Variants in SLC44A1 observed in about 807,000 individuals in gnomAD.
The protein encoded by SLC44A1 is choline transporter-like protein 1.
A neutral mutation model predicts 79.3 loss-of-function variants in SLC44A1; 26 were observed. That is an observed-to-expected ratio of 0.33 (90% CI 0.24 to 0.46). The LOEUF (loss-of-function observed/expected upper bound fraction) is 0.46. SLC44A1 is among the 20% of genes least tolerant of loss of function. The pLI, the probability that SLC44A1 is intolerant of heterozygous loss-of-function variation, is 1.00. For missense variants in SLC44A1, 688 were observed against 798.1 expected, an observed-to-expected ratio of 0.86 and a Z score of 1.66; for synonymous variants, 263 against 286.2, an observed-to-expected ratio of 0.92 and a Z score of 0.82.
rs180948000 is a variant in SLC44A1 at position 105,311,814 on chromosome 9, A to G, written c.269+1948A>G. Among the ~76,000 whole-genome samples, 22 of 152,336 alleles carry G rather than the reference A, an allele frequency of 1.4e-4. No individual in the cohort carries two copies. The East Asian group carries it at 2.9e-3, about 20-fold the overall frequency. On this transcript the variant is annotated intron_variant, in intron 3 of 15. Transcript: ENST00000374720. ...TATAAGTGTTTTTGTAAAAAAATGA[A>G]CAGACTTTTTTTTACCCTTCTCAGA...
At chr9:105,346,719 T>G (rs1827257075) in intron 4 of SLC44A1, among the ~76,000 whole-genome samples, 2 of 152,174 alleles carry the variant, frequency 1.3e-5, no homozygotes, top group Non-Finnish European at 2.9e-5. Flanking sequence ...CTTAGAAGAG[T>G]TAAATATTTA....
At chr9:105,434,292 G>C (rs934830431) in intron 15 of SLC44A1, among the ~76,000 whole-genome samples, 11 of 151,952 alleles carry the variant, frequency 7.2e-5, no homozygotes, top group African/African-American at 2.7e-4. Context: ...AGTGAGCCGA[G>C]ACTGCACCAC....
At chr9:105,282,323 T>G (rs1272998164) in intron 1 of SLC44A1, among the ~76,000 whole-genome samples, 4 of 152,134 alleles carry the variant, frequency 2.6e-5, no homozygotes, top group Non-Finnish European at 5.9e-5. Context: ...CCTCACTTAT[T>G]TGAGTGTGTC....
chr9:105,372,677 G>A (rs1828142706), intron 12 of SLC44A1, among the ~76,000 whole-genome samples: 1 of 151,154 alleles, frequency 6.6e-6, no homozygotes, highest in Non-Finnish European at 1.5e-5. Flanking sequence ...TAGGCCGGGC[G>A]CGGTGGCTCA....
At chr9:105,438,191 A>G in intron 15 of SLC44A1, 1 of 1,060,914 alleles carries the variant, frequency 9.4e-7, no homozygotes, top group Non-Finnish European at 1.4e-6. Context: ...TTTAAAGACG[A>G]TCCCACACTA....
intron 1 of SLC44A1, 142 bp downstream of exon 1, chr9:105,245,046 CT>C (rs1369006001): frequency 7.6e-5 from 21 of 277,222 alleles, no homozygotes; most frequent in Non-Finnish European, 1.3e-4. Context: ...CCCACTCCGC[CT>C]TTCCGTCCGC....
At chr9:105,280,804 TG>T (rs1264621269) in intron 1 of SLC44A1, among the ~76,000 whole-genome samples, 1 of 152,210 alleles carries the variant, frequency 6.6e-6, no homozygotes, top group Admixed American at 6.5e-5. Flanking sequence ...CTACATTTGC[TG>T]ATTTCCATGG....
intron 1 of SLC44A1, among the ~76,000 whole-genome samples, chr9:105,272,629 G>A (rs900965846): frequency 5.3e-5 from 8 of 151,330 alleles, no homozygotes; most frequent in African/African-American, 1.7e-4. Context: ...AAGGTTAAAG[G>A]TCTAAGATTA....
At chr9:105,408,661 T>G (rs1369206598) in intron 15 of SLC44A1, among the ~76,000 whole-genome samples, 1 of 152,196 alleles carries the variant, frequency 6.6e-6, no homozygotes, top group Non-Finnish European at 1.5e-5. Flanking sequence ...TCCACCCACC[T>G]CGGCTTCCCA....
chr9:105,277,981 T>C (rs1463843505), intron 1 of SLC44A1, among the ~76,000 whole-genome samples: 1 of 152,174 alleles, frequency 6.6e-6, no homozygotes, highest in Non-Finnish European at 1.5e-5. Context: ...ATAGAGACCA[T>C]TTGGATAAAA....
intron 1 of SLC44A1, among the ~76,000 whole-genome samples, chr9:105,260,979 G>A (rs1269485017): frequency 6.6e-6 from 1 of 152,182 alleles, no homozygotes; most frequent in Non-Finnish European, 1.5e-5. Flanking sequence ...AGTATTCAGA[G>A]ACTAAACATT....
chr9:105,281,973 G>T (rs1306011236), intron 1 of SLC44A1, among the ~76,000 whole-genome samples: 1 of 152,220 alleles, frequency 6.6e-6, no homozygotes, highest in Admixed American at 6.5e-5. Context: ...GAGGAGAGAA[G>T]AAAATAGTTA....
chr9:105,412,330 A>G (rs1403738346), intron 15 of SLC44A1, among the ~76,000 whole-genome samples: 1 of 152,028 alleles, frequency 6.6e-6, no homozygotes, highest in South Asian at 2.1e-4. Context: ...GATTTAGCCA[A>G]TGGGAGCCCA....
intron 1 of SLC44A1, among the ~76,000 whole-genome samples, chr9:105,273,808 G>T (rs1021018641): frequency 2.6e-5 from 4 of 151,826 alleles, no homozygotes; most frequent in African/African-American, 9.7e-5. Context: ...TCAACAATAT[G>T]TGTCTGAGTT....
At chr9:105,438,495 T>A (rs1280408453) in exon 16 of SLC44A1, 1 of 510,098 alleles carries the variant, frequency 2.0e-6, no homozygotes, top group East Asian at 3.0e-5. Context: ...TCAAAAGCAT[T>A]TGATAGAAAT....
intron 1 of SLC44A1, among the ~76,000 whole-genome samples, chr9:105,297,414 G>A (rs1830753195): frequency 6.6e-6 from 1 of 152,036 alleles, no homozygotes; most frequent in Non-Finnish European, 1.5e-5. Flanking sequence ...ATGGAGTTGC[G>A]CTCTTGTTGC....
intron 10 of SLC44A1, 31 bp downstream of exon 10, chr9:105,364,751 G>A (rs1425985047): frequency 1.3e-6 from 2 of 1,578,306 alleles, no homozygotes; most frequent in Non-Finnish European, 1.7e-6. Flanking sequence ...GAAAACTCGA[G>A]TTCATCTAAG....
At chr9:105,336,730 G>A (rs1287587689) in intron 4 of SLC44A1, among the ~76,000 whole-genome samples, 1 of 152,182 alleles carries the variant, frequency 6.6e-6, no homozygotes, top group African/African-American at 2.4e-5. Context: ...GTGTCTTCCA[G>A]TTGGGGATGC....
intron 13 of SLC44A1, among the ~76,000 whole-genome samples, chr9:105,376,245 C>T (rs374070215): frequency 6.7e-6 from 1 of 149,478 alleles, no homozygotes; most frequent in Non-Finnish European, 1.5e-5. Context: ...TTTTTGTTTA[C>T]GTATTTATAA....
Sources: gnomAD v4.1 joint callset for allele counts (sites outside exome capture counted in the v4.1 genomes callset) on GRCh38, gnomAD v4.1.1 for gene constraint, MANE v1.5 for transcripts, NCBI Gene and HGNC (gene_info 2026-07-23, HGNC 2026-07-21) for gene names.